Variants in CNGA3 observed in about 807,000 individuals in gnomAD.
CNGA3 encodes the protein cyclic nucleotide gated channel subunit alpha 3.
Under a neutral mutation model 46.6 loss-of-function variants are expected in CNGA3, and 42 were observed. The ratio of observed to expected loss-of-function variants is 0.90; its 90% CI spans 0.70 to 1.17. The LOEUF is 1.17. Ranked by LOEUF, CNGA3 falls within the 50% of genes most tolerant of loss-of-function variation. The probability of loss-of-function intolerance (pLI) is 0.00; values close to 1 mark genes in which losing one functional copy is unlikely to be tolerated. For missense variants in CNGA3, 893 were observed against 890.7 expected, an observed-to-expected ratio of 1.00 and a Z score of -0.03; for synonymous variants, 394 against 369.4, an observed-to-expected ratio of 1.07 and a Z score of -0.76.
chr2:98,348,347 T>C (rs1481924643), intron 1 of CNGA3, among the ~76,000 whole-genome samples: 2 of 152,214 alleles, frequency 1.3e-5, no homozygotes, highest in African/African-American at 4.8e-5. Context: ...CCTGTTTCTA[T>C]GTCTTTTCTG....
chr2:98,350,990 A>C (rs911696726), intron 1 of CNGA3: 1 of 152,210 alleles, frequency 6.6e-6, no homozygotes, highest in Admixed American at 6.5e-5. Flanking sequence ...CATAGAGAGG[A>C]GGAATTGGAT....
chr2:98,372,767 T>C (rs891837634), intron 2 of CNGA3, among the ~76,000 whole-genome samples: 2 of 152,076 alleles, frequency 1.3e-5, no homozygotes, highest in African/African-American at 4.8e-5. Flanking sequence ...CCACTCCCGG[T>C]CTTGGAAATG....
chr2:98,363,720 C>T (rs57738681), intron 1 of CNGA3, among the ~76,000 whole-genome samples: 29,173 of 152,076 alleles, frequency 0.19, 3,197 homozygotes, highest in Non-Finnish European at 0.26. Flanking sequence ...CCATCAATAC[C>T]TAGTACATTC....
chr2:98,359,052 G>A (rs1162966042), intron 1 of CNGA3, among the ~76,000 whole-genome samples: 2 of 152,210 alleles, frequency 1.3e-5, no homozygotes, highest in African/African-American at 2.4e-5. Flanking sequence ...AGGAACAGGA[G>A]TAGGGGTCTT....
intron 7 of CNGA3, among the ~76,000 whole-genome samples, chr2:98,392,248 G>A (rs1461321761): frequency 2.6e-5 from 4 of 152,180 alleles, no homozygotes; most frequent in Non-Finnish European, 4.4e-5. Context: ...TCTGGGCCTT[G>A]TTCTTGTCAC....
At chr2:98,349,605 A>C (rs1486842870) in intron 1 of CNGA3, among the ~76,000 whole-genome samples, 1 of 152,182 alleles carries the variant, frequency 6.6e-6, no homozygotes, top group Non-Finnish European at 1.5e-5. Flanking sequence ...AAAGATAACT[A>C]TTTCAGCCAT....
intron 2 of CNGA3, among the ~76,000 whole-genome samples, chr2:98,370,937 G>C (rs1692271530): frequency 6.6e-6 from 1 of 152,074 alleles, no homozygotes; most frequent in African/African-American, 2.4e-5. Flanking sequence ...TGATTCTCCT[G>C]CCTCAGCCTC....
intron 1 of CNGA3, among the ~76,000 whole-genome samples, chr2:98,363,326 G>T (rs748930112): frequency 2.0e-5 from 3 of 152,052 alleles, no homozygotes; most frequent in Non-Finnish European, 2.9e-5. Flanking sequence ...TGATTTCTTT[G>T]AGCAGTGGTT....
At chr2:98,380,849 C>G (rs192110069) in intron 4 of CNGA3, among the ~76,000 whole-genome samples, 203 of 152,144 alleles carry the variant, frequency 1.3e-3, no homozygotes, top group African/African-American at 4.7e-3. Context: ...ACAGGTTGGT[C>G]AGAATTTTCA....
At chr2:98,387,221 G>A (rs1050151626) in intron 5 of CNGA3, among the ~76,000 whole-genome samples, 5 of 152,212 alleles carry the variant, frequency 3.3e-5, no homozygotes, top group African/African-American at 4.8e-5. Context: ...CGTGTGATTC[G>A]GTGGCTCTCC....
chr2:98,364,527 T>C (rs944506861), intron 1 of CNGA3, among the ~76,000 whole-genome samples: 5 of 152,330 alleles, frequency 3.3e-5, no homozygotes, highest in African/African-American at 1.2e-4. Flanking sequence ...TGAGATGGGT[T>C]TCTTGAATAC....
At position 98,395,524 on chromosome 2, in the gene CNGA3, T is replaced by A. The variant is rs192602983; in HGVS notation, c.674-320T>A. On this transcript the variant is annotated intron_variant, in intron 7 of 7. Transcript: ENST00000272602. ...TCTCTAATTTTAAAGGATCCTTTTT[T>A]AAAATATGTATATAATTTCCATTTA... is the stretch of plus-strand genomic sequence containing the variant. 2.0e-4 allele frequency among the ~76,000 whole-genome samples: 31 copies of A among 152,310 alleles called. No individual in the cohort carries two copies. In the East Asian group the frequency reaches 5.4e-3, roughly 27 times the overall value.
chr2:98,396,088 G>C lies in CNGA3; in HGVS notation c.918G>C (p.Leu306Phe). 1.9e-6 allele frequency: 3 copies of C among 1,614,140 alleles called. No individual in the cohort carries two copies. Among genetic ancestry groups the C allele is most frequent in the Non-Finnish European group, 2.5e-6 (3 of 1,180,028 alleles). The change falls in exon 8 of 8, where the codon TTG becomes TTC. Residue 306 changes from leucine (L) to phenylalanine (F), a missense_variant. Coordinates refer to ENST00000272602, the MANE Select transcript of CNGA3 (RefSeq NM_001298.3). ...NYPNMFRIGN[L>F]VLYILIIIHW... Reference sequence around the variant, plus strand: ...CCAATATGTTCAGGATTGGGAACTTGGTCTTGTACATTCTCATCATCATCC... The same window carrying C: ...CCAATATGTTCAGGATTGGGAACTTCGTCTTGTACATTCTCATCATCATCC...
intron 1 of CNGA3, among the ~76,000 whole-genome samples, chr2:98,353,840 G>T (rs1691820843): frequency 6.6e-6 from 1 of 152,176 alleles, no homozygotes; most frequent in Non-Finnish European, 1.5e-5. Context: ...AGCCTGAGGG[G>T]GAGCATGCAC....
chr2:98,377,964 C>T, intron 3 of CNGA3, 164 bp downstream of exon 3: 2 of 1,410,982 alleles, frequency 1.4e-6, no homozygotes. Flanking sequence ...GTAATTTCCT[C>T]TTGGGTCAGA....
intron 1 of CNGA3, among the ~76,000 whole-genome samples, chr2:98,359,474 A>G (rs1691973603): frequency 6.6e-6 from 1 of 152,216 alleles, no homozygotes; most frequent in East Asian, 1.9e-4. Context: ...TGACCATTAC[A>G]TGGACCAAGA....
intron 1 of CNGA3, among the ~76,000 whole-genome samples, chr2:98,359,980 C>T (rs1384840176): frequency 1.3e-5 from 2 of 152,212 alleles, no homozygotes; most frequent in Non-Finnish European, 2.9e-5. Flanking sequence ...ATGGGCTTCT[C>T]GACCCTTTGG....
At position 98,396,165 on chromosome 2, in the gene CNGA3, CAG is replaced by C. The variant is rs1692907451; in HGVS notation, c.997_998del (p.Asp333LeufsTer35). 1 of 1,614,212 alleles carries C rather than the reference CAG, an allele frequency of 6.2e-7. No homozygotes were observed. The highest frequency in any genetic ancestry group is 2.2e-5 in the East Asian group (1 of 44,880). On this transcript the variant is annotated frameshift_variant, in exon 8 of 8. Transcript: ENST00000272602. LOFTEE classifies it high-confidence loss of function. Reference sequence around the variant, plus strand: ...ATTTCCAAGTTCATTGGTTTTGGGACAGACTCCTGGGTCTACCCAAACATCTC... The same window carrying C: ...ATTTCCAAGTTCATTGGTTTTGGGACACTCCTGGGTCTACCCAAACATCTC...
chr2:98,376,511 A>T (rs1045347414), intron 2 of CNGA3, among the ~76,000 whole-genome samples: 2 of 152,292 alleles, frequency 1.3e-5, no homozygotes, highest in African/African-American at 4.8e-5. Context: ...GGCGCAGTCA[A>T]GAGACAGCCC....
Sources: allele counts gnomAD v4.1 joint callset (sites outside exome capture counted in the v4.1 genomes callset), GRCh38; gene constraint gnomAD v4.1.1; transcripts MANE v1.5; gene names NCBI Gene and HGNC (gene_info 2026-07-23, HGNC 2026-07-21).